The following WLS variants were observed in gnomAD, a reference collection of about 807,000 sequenced individuals.
WLS encodes the protein Wnt ligand secretion mediator.
Under a neutral mutation model 62.8 loss-of-function variants are expected in WLS, and 23 were observed. That is an observed-to-expected ratio of 0.37 (90% CI 0.26 to 0.52). The LOEUF is 0.52. Ranked by LOEUF, WLS falls within the 20% of genes least tolerant of loss-of-function variation. The pLI is 0.92. For synonymous variants in WLS, 246 were observed against 244.1 expected, an observed-to-expected ratio of 1.01 and a Z score of -0.07; for missense variants, 615 against 697.3, an observed-to-expected ratio of 0.88 and a Z score of 1.33.
At chr1:68,227,695 AGAATT>A (rs1650220503) in intron 1 of WLS, among the ~76,000 whole-genome samples, 1 of 152,212 alleles carries the variant, frequency 6.6e-6, no homozygotes, top group African/African-American at 2.4e-5. Context: ...AATAAAAAGC[AGAATT>A]GAATACAGAA....
At chr1:68,226,105 A>G (rs965046419) in intron 1 of WLS, among the ~76,000 whole-genome samples, 1 of 152,156 alleles carries the variant, frequency 6.6e-6, no homozygotes, top group African/African-American at 2.4e-5. Context: ...ATTTATCATC[A>G]CATTTAATAT....
At chr1:68,213,860 G>T (rs191442673) in intron 1 of WLS, among the ~76,000 whole-genome samples, 2 of 152,138 alleles carry the variant, frequency 1.3e-5, no homozygotes, top group Non-Finnish European at 2.9e-5. Flanking sequence ...TTGTAGCAAC[G>T]TGTGCTGCTC....
intron 1 of WLS, among the ~76,000 whole-genome samples, chr1:68,216,968 T>A (rs891964518): frequency 2.6e-5 from 4 of 152,210 alleles, no homozygotes; most frequent in African/African-American, 9.7e-5. Flanking sequence ...ACTTAAATAC[T>A]TTTCTTCTAC....
At chr1:68,131,527 GAGGT>G (rs1328742082) in intron 11 of WLS, among the ~76,000 whole-genome samples, 1 of 152,078 alleles carries the variant, frequency 6.6e-6, no homozygotes, top group Non-Finnish European at 1.5e-5. Flanking sequence ...GTCAACCCCA[GAGGT>G]CATTTATTCC....
At position 68,197,181 on chromosome 1, in the gene WLS, A is replaced by G. The variant is rs369240837; in HGVS notation, c.107-2954T>C. Among the ~76,000 whole-genome samples the G allele has an allele frequency of 3.6e-4, 55 of 152,256 alleles. No individual in the cohort carries two copies. The East Asian group carries it at 7.5e-3, about 21-fold the overall frequency. On this transcript the variant is annotated intron_variant, in intron 1 of 11. Transcript: ENST00000262348. ...TTCCTCAGCTAAGCTCCAAAACCAC[A>G]TTCCAAACTTAATAACAGAGAAGCT...
intron 1 of WLS, among the ~76,000 whole-genome samples, chr1:68,195,801 T>G (rs1405057184): frequency 3.3e-5 from 5 of 152,114 alleles, no homozygotes; most frequent in African/African-American, 1.2e-4. Flanking sequence ...CTATTTATTT[T>G]TTGCAATTTC....
At chr1:68,192,766 CT>C (rs66921803) in intron 2 of WLS, among the ~76,000 whole-genome samples, 8,344 of 21,624 alleles carry the variant, frequency 0.39, 557 homozygotes, top group East Asian at 0.46. Flanking sequence ...GACTCTGTCT[CT>C]TAAAAAAAAA....
At chr1:68,100,744 A>C (rs1646066539) in intron 11 of WLS, 1 of 152,102 alleles carries the variant, frequency 6.6e-6, no homozygotes, top group Non-Finnish European at 1.5e-5. Flanking sequence ...ATAAGATACC[A>C]TATTATAAAC....
At chr1:68,180,521 A>C (rs1441979517) in intron 2 of WLS, among the ~76,000 whole-genome samples, 1 of 152,100 alleles carries the variant, frequency 6.6e-6, no homozygotes, top group Non-Finnish European at 1.5e-5. Flanking sequence ...ATAGGCTCCT[A>C]GGCTCCTATT....
At chr1:68,154,287 A>G (rs1557480791) in intron 4 of WLS, among the ~76,000 whole-genome samples, 2 of 152,188 alleles carry the variant, frequency 1.3e-5, no homozygotes, top group Non-Finnish European at 2.9e-5. Flanking sequence ...CTTTTTCCCT[A>G]TGCTAAGATT....
chr1:68,137,197 A>G (rs1367354489), intron 11 of WLS, among the ~76,000 whole-genome samples: 1 of 152,218 alleles, frequency 6.6e-6, no homozygotes, highest in African/African-American at 2.4e-5. Context: ...CTCTAAGGCT[A>G]CTTGCAGCAT....
At chr1:68,164,866 G>A (rs1012230886) in intron 2 of WLS, among the ~76,000 whole-genome samples, 6 of 152,180 alleles carry the variant, frequency 3.9e-5, no homozygotes, top group Non-Finnish European at 5.9e-5. Context: ...TAGACCCAGG[G>A]CTGGAGGTGG....
chr1:68,204,899 G>A (rs1005103655), intron 1 of WLS, among the ~76,000 whole-genome samples: 2 of 152,096 alleles, frequency 1.3e-5, no homozygotes, highest in Non-Finnish European at 2.9e-5. Flanking sequence ...AGCTCCTAAG[G>A]GGAAGGACTA....
chr1:68,198,355 A>G lies in WLS; in HGVS notation c.107-4128T>C, dbSNP rs1016246445. 3.9e-5 allele frequency among the ~76,000 whole-genome samples: 6 copies of G among 152,184 alleles called. No individual in the cohort carries two copies. In the East Asian group the frequency reaches 5.8e-4, roughly 15 times the overall value. On this transcript the variant is annotated intron_variant, in intron 1 of 11. Transcript: ENST00000262348. The stretch of plus-strand genomic sequence containing the variant: ...TTCAGTTCTTTTTACTTTATCAAAC[A>G]TGACCATTTTATTTTGTCTGTATTT...
chr1:68,137,109 T>C (rs1467297198), intron 11 of WLS, among the ~76,000 whole-genome samples: 1 of 152,266 alleles, frequency 6.6e-6, no homozygotes, highest in Non-Finnish European at 1.5e-5. Flanking sequence ...TTCTGTCTGC[T>C]GTGGCTAGTG....
At chr1:68,231,940 C>G (rs1382767741) in intron 1 of WLS, 1 of 532,906 alleles carries the variant, frequency 1.9e-6, no homozygotes. Flanking sequence ...ATTCCCACCC[C>G]CGCCGCCCCC....
intron 5 of WLS, 39 bp from the exon 6 acceptor site, chr1:68,150,395 T>C (rs755233015): frequency 7.5e-6 from 12 of 1,604,990 alleles, no homozygotes; most frequent in Non-Finnish European, 9.4e-6. Flanking sequence ...ACTTTATTCA[T>C]CTGGAAGGCA....
chr1:68,226,283 G>A (rs2100669647), intron 1 of WLS, among the ~76,000 whole-genome samples: 1 of 152,212 alleles, frequency 6.6e-6, no homozygotes, highest in South Asian at 2.1e-4. Context: ...CCGATTGACT[G>A]GAGTTCAATC....
intron 10 of WLS, among the ~76,000 whole-genome samples, chr1:68,143,283 G>A (rs1004434410): frequency 1.3e-5 from 2 of 152,100 alleles, no homozygotes; most frequent in African/African-American, 4.8e-5. Context: ...CTCCATTTTG[G>A]CTAAATGACA....
Sources: gnomAD v4.1 joint callset for allele counts (sites outside exome capture counted in the v4.1 genomes callset) on GRCh38, gnomAD v4.1.1 for gene constraint, MANE v1.5 for transcripts, NCBI Gene and HGNC (gene_info 2026-07-23, HGNC 2026-07-21) for gene names.